The following TAL1 variants were observed in gnomAD, a reference collection of about 807,000 sequenced individuals.
TAL1 encodes the protein T-cell acute lymphocytic leukemia protein 1.
In TAL1, 8 loss-of-function variants were observed where a neutral mutation model predicts 17.9. That is an observed-to-expected ratio of 0.45 (90% CI 0.26 to 0.81). The LOEUF is 0.81. TAL1 is among the 30% of genes least tolerant of loss of function. The pLI, the probability that TAL1 is intolerant of heterozygous loss-of-function variation, is 0.17. For missense variants in TAL1, 466 were observed against 486.9 expected (o/e 0.96, Z 0.40); for synonymous variants, 223 against 218.6 (o/e 1.02, Z -0.18).
exon 4 of TAL1, chr1:47,218,135 G>C (rs1455877839): frequency 4.1e-6 from 1 of 244,748 alleles, no homozygotes; most frequent in Non-Finnish European, 7.9e-6. Flanking sequence ...ATGAGTTCTT[G>C]CATGGCAGGA....
chr1:47,219,554 G>A, exon 4 of TAL1: 5 of 1,147,154 alleles, frequency 4.4e-6, no homozygotes, highest in Middle Eastern at 1.9e-4. Context: ...AAACAGAAAA[G>A]CCAGCCCCAG....
chr1:47,228,495 A>G (rs11211481), intron 1 of TAL1: 85,815 of 188,712 alleles, frequency 0.45, 23,407 homozygotes, highest in Middle Eastern at 0.64. Context: ...CCTCATCTGC[A>G]GTTGCCAGAC....
rs778864440 is a variant in TAL1, at chr1:47,223,970, G to A, written c.541+34C>T. The A allele has an allele frequency of 3.8e-6, 6 of 1,587,876 alleles. No individual in the cohort carries two copies. The South Asian group carries it at 5.5e-5, about 15-fold the overall frequency. On this transcript the variant is annotated intron_variant, in intron 3 of 3. Transcript: ENST00000294339. Reference sequence around the variant, plus strand: ...TCCAGAGGGCTCTAACCAGCGTGAGGGGCAGGTACAACGGTGGGGTGGGGC... The same window carrying A: ...TCCAGAGGGCTCTAACCAGCGTGAGAGGCAGGTACAACGGTGGGGTGGGGC...
At chr1:47,224,743 C>T (rs1016338968) in intron 2 of TAL1, among the ~76,000 whole-genome samples, 1 of 152,216 alleles carries the variant, frequency 6.6e-6, no homozygotes, top group Non-Finnish European at 1.5e-5. Flanking sequence ...TTGACTGCCC[C>T]ACACTCTATC....
Position 47,217,665 on chromosome 1 carries a change from ATGG to A in TAL1, c.*2052_*2054del, listed in dbSNP as rs530580989. The A allele has an allele frequency of 1.0e-5, 4 of 398,536 alleles. No homozygotes were observed. In the South Asian group the frequency reaches 5.1e-4, roughly 51 times the overall value. 24.7% of individuals were successfully genotyped at this position (398,536 alleles called of 1,614,324 possible). Reference sequence around the variant, plus strand: ...AGGAGATAGGCCAAGCCAGAGTCACATGGCAAGTCTGAAAGAAGAGGGAGCCAG... The same window carrying A: ...AGGAGATAGGCCAAGCCAGAGTCACACAAGTCTGAAAGAAGAGGGAGCCAG... On this transcript the variant is annotated 3_prime_UTR_variant, in exon 4 of 4. Coordinates refer to ENST00000294339, the Ensembl canonical transcript of TAL1.
chr1:47,224,961 T>A (rs1047658686), intron 2 of TAL1, among the ~76,000 whole-genome samples: 3 of 152,190 alleles, frequency 2.0e-5, no homozygotes, highest in African/African-American at 7.2e-5. Flanking sequence ...AGGGTGCCTC[T>A]GCCACCACCC....
At chr1:47,227,009 GA>G in intron 1 of TAL1, among the ~76,000 whole-genome samples, 1 of 152,314 alleles carries the variant, frequency 6.6e-6, no homozygotes. Context: ...CTGCCTGGCC[GA>G]ATGTCAAGTC....
chr1:47,228,845 C>T (rs757311678), intron 1 of TAL1: 21 of 157,550 alleles, frequency 1.3e-4, no homozygotes, highest in Non-Finnish European at 2.7e-4. Flanking sequence ...GGAAGGCTGC[C>T]GCCTTCCTCC....
At chr1:47,232,026 C>CG (rs1644023977), upstream of TAL1, 1 of 232,100 alleles carries the variant, frequency 4.3e-6, no homozygotes, top group South Asian at 1.8e-4. Flanking sequence ...CCCACCGCCC[C>CG]CCCCGGCCAT....
chr1:47,225,389 G>A lies in TAL1; in HGVS notation c.446+54C>T, dbSNP rs138622243. ...TGTGTAGAAGGAAACCCCGGTGGGG[G>A]TGGTCGCCCTGCCCACCCGCCCAGC... On this transcript the variant is annotated intron_variant, in intron 2 of 3. Transcript: ENST00000294339. 1.1e-5 allele frequency: 14 copies of A among 1,222,086 alleles called. No individual in the cohort carries two copies. In the South Asian group the frequency reaches 1.3e-4, roughly 11 times the overall value. The allele number at this position is 1,222,086 out of a possible 1,614,324, so 75.7% of individuals were successfully genotyped here. A position where few individuals can be genotyped will look rare whatever the true frequency, so the allele number is the denominator to read the frequency against.
exon 1 of TAL1, chr1:47,229,618 ACC>A (rs1643973068): frequency 6.4e-6 from 1 of 155,826 alleles, no homozygotes; most frequent in African/African-American, 2.4e-5. Context: ...AGCAACAACA[ACC>A]CCTCCCGACA....
Position 47,219,894 on chromosome 1 carries a change from G to GGCCCCCCCCCCCCCCCCCCCCCCCCCCCC in TAL1, c.821_822insGGGGGGGGGGGGGGGGGGGGGGGGGGGGC (p.Ala275GlyfsTer180). The GGCCCCCCCCCCCCCCCCCCCCCCCCCCCC allele has an allele frequency of 2.6e-6, 4 of 1,556,038 alleles. No individual in the cohort carries two copies. Among genetic ancestry groups the GGCCCCCCCCCCCCCCCCCCCCCCCCCCCC allele is most frequent in the Non-Finnish European group, 3.5e-6 (4 of 1,149,582 alleles). On this transcript the variant is annotated frameshift_variant, in exon 4 of 4. Transcript: ENST00000294339. LOFTEE classifies it high-confidence loss of function. ...CTTGCAGGAGGTCATCTGGGGGCGC[G>GGCCCCCCCCCCCCCCCCCCCCCCCCCCCC]CCGCCCCCTCCCCCACCTCCACCCC...
chr1:47,232,320 C>G (rs1408001753), upstream of TAL1: 1 of 159,072 alleles, frequency 6.3e-6, no homozygotes, highest in African/African-American at 2.4e-5. Context: ...CGTTCCAGGC[C>G]TCGTTAGCAT....
exon 2 of TAL1, chr1:47,225,841 T>C (rs373261012): frequency 1.9e-6 from 3 of 1,584,674 alleles, no homozygotes; most frequent in Non-Finnish European, 2.6e-6. Flanking sequence ...CCCGTCCCTC[T>C]AGCTGGGGGT....
chr1:47,226,391 T>G, intron 1 of TAL1: 1 of 153,118 alleles, frequency 6.5e-6, no homozygotes, highest in Non-Finnish European at 1.5e-5. Context: ...CTCAGCAATA[T>G]TCCCAGCCCA....
chr1:47,217,287 CTGAGG>C, exon 4 of TAL1: 1 of 379,028 alleles, frequency 2.6e-6, no homozygotes, highest in Middle Eastern at 6.8e-4. Flanking sequence ...ACTCGGGAGG[CTGAGG>C]TGAGAGGATT....
chr1:47,232,261 C>A, upstream of TAL1: 1 of 167,008 alleles, frequency 6.0e-6, no homozygotes, highest in South Asian at 1.7e-4. Context: ...CTCCCCCGCC[C>A]GCCCCGCGCC....
chr1:47,226,189 C>G (rs1014461096), intron 1 of TAL1: 4 of 396,876 alleles, frequency 1.0e-5, no homozygotes, highest in Non-Finnish European at 1.8e-5. Flanking sequence ...AAAAGGAATA[C>G]AGCCAGCGAC....
exon 4 of TAL1, chr1:47,216,347 C>T (rs187692559): frequency 4.5e-6 from 1 of 222,024 alleles, no homozygotes; most frequent in Non-Finnish European, 9.0e-6. Flanking sequence ...CATATATATA[C>T]ACATCATCAC....
Sources: allele counts gnomAD v4.1 joint callset (sites outside exome capture counted in the v4.1 genomes callset), GRCh38; gene constraint gnomAD v4.1.1; transcripts MANE v1.5; gene names NCBI Gene and HGNC (gene_info 2026-07-23, HGNC 2026-07-21).